Variants in FIRRM observed in about 807,000 individuals in gnomAD.
FIRRM encodes FIGNL1-interacting regulator of recombination and mitosis.
At chr1:169,786,060 A>C in the FIRRM span, among the ~76,000 whole-genome samples, 1 of 152,202 alleles carries the variant, frequency 6.6e-6, no homozygotes, top group African/African-American at 2.4e-5. Flanking sequence ...ATGTTGAACA[A>C]TGTTGGGAGA....
At chr1:169,826,656 C>T in the FIRRM span, among the ~76,000 whole-genome samples, 1 of 152,208 alleles carries the variant, frequency 6.6e-6, no homozygotes, top group East Asian at 1.9e-4. Flanking sequence ...AGCCACCACG[C>T]TCCGCCCAAA....
the FIRRM span, chr1:169,827,985 T>A: frequency 1.3e-6 from 1 of 746,648 alleles, no homozygotes; most frequent in Non-Finnish European, 2.1e-6. Context: ...ACATATATAT[T>A]GCTACTTTAT....
At chr1:169,816,918 C>G in the FIRRM span, among the ~76,000 whole-genome samples, 1 of 152,276 alleles carries the variant, frequency 6.6e-6, no homozygotes, top group Admixed American at 6.5e-5. Context: ...ATGCAAATAA[C>G]TATATTGCTG....
At chr1:169,789,503 C>T in the FIRRM span, among the ~76,000 whole-genome samples, 1 of 152,164 alleles carries the variant, frequency 6.6e-6, no homozygotes, top group African/African-American at 2.4e-5. Flanking sequence ...GTCTGTGGGA[C>T]ATGAAAACTG....
At chr1:169,826,963 C>G in the FIRRM span, 1 of 1,155,836 alleles carries the variant, frequency 8.7e-7, no homozygotes, top group African/African-American at 1.6e-5. Context: ...TATATTTTTA[C>G]TACCAGAACA....
the FIRRM span, chr1:169,852,026 G>C: frequency 6.4e-7 from 1 of 1,560,846 alleles, no homozygotes; most frequent in Non-Finnish European, 8.8e-7. Context: ...GTGGTTTCCA[G>C]CCTTATGCTG....
At chr1:169,825,223 C>T in the FIRRM span, among the ~76,000 whole-genome samples, 6 of 152,178 alleles carry the variant, frequency 3.9e-5, no homozygotes, top group African/African-American at 1.4e-4. Flanking sequence ...CACAAAGTAG[C>T]CAAAGTAAAT....
the FIRRM span, chr1:169,853,021 T>C: frequency 5.1e-5 from 81 of 1,599,958 alleles, 1 homozygote; most frequent in Non-Finnish European, 6.9e-5. Context: ...GTTTGATGCT[T>C]TGTCAACTGA....
the FIRRM span, among the ~76,000 whole-genome samples, chr1:169,833,185 G>GC: frequency 1.3e-5 from 2 of 152,054 alleles, no homozygotes; most frequent in Admixed American, 6.6e-5. Flanking sequence ...AACCTGTATG[G>GC]CCTAGTGCAG....
At chr1:169,822,167 T>A in the FIRRM span, among the ~76,000 whole-genome samples, 2 of 152,206 alleles carry the variant, frequency 1.3e-5, no homozygotes, top group Non-Finnish European at 2.9e-5. Context: ...TCCCACAATG[T>A]GTCTTTGCCA....
At chr1:169,833,505 A>G in the FIRRM span, among the ~76,000 whole-genome samples, 6 of 152,132 alleles carry the variant, frequency 3.9e-5, no homozygotes, top group Non-Finnish European at 7.3e-5. Context: ...AGCAGAAGAT[A>G]TGTATAACTA....
chr1:169,833,846 CTTTTTTTTTTTTT>C, the FIRRM span, among the ~76,000 whole-genome samples: 1 of 96,056 alleles, frequency 1.0e-5, no homozygotes, highest in Non-Finnish European at 1.9e-5. Flanking sequence ...AGTCACTTTC[CTTTTTTTTTTTTT>C]TTTTTTTTTT....
chr1:169,833,807 A>C, the FIRRM span, among the ~76,000 whole-genome samples: 5,568 of 151,110 alleles, frequency 0.037, 172 homozygotes, highest in South Asian at 0.11. Context: ...CTGGGAGGGA[A>C]AGGGTCACAT....
the FIRRM span, chr1:169,853,246 A>C: frequency 2.2e-6 from 1 of 451,530 alleles, no homozygotes; most frequent in Non-Finnish European, 3.9e-6. Flanking sequence ...TAAACAAATA[A>C]ATAAGCTGCC....
At chr1:169,851,046 T>C in the FIRRM span, 1 of 37,476 alleles carries the variant, frequency 2.7e-5, no homozygotes, top group African/African-American at 1.8e-4. Context: ...CTCAGGGCCC[T>C]TTTTTTTTTT....
chr1:169,791,189 G>T, the FIRRM span, among the ~76,000 whole-genome samples: 5 of 152,266 alleles, frequency 3.3e-5, no homozygotes, highest in Non-Finnish European at 7.4e-5. Flanking sequence ...CAGGCATCAG[G>T]GACCCCTGTT....
chr1:169,799,428 T>C, the FIRRM span, among the ~76,000 whole-genome samples: 4 of 152,366 alleles, frequency 2.6e-5, no homozygotes, highest in East Asian at 7.7e-4. Context: ...TTCATTCTTC[T>C]AGTCAGAAGA....
At chr1:169,810,007 A>T in the FIRRM span, among the ~76,000 whole-genome samples, 1 of 152,142 alleles carries the variant, frequency 6.6e-6, no homozygotes, top group Non-Finnish European at 1.5e-5. Context: ...GCACCAGTAG[A>T]TTTGGTGTCT....
chr1:169,804,266 G>GTATA, the FIRRM span: 1 of 1,391,548 alleles, frequency 7.2e-7, no homozygotes, highest in African/African-American at 1.5e-5. Context: ...TTTCTGCTTA[G>GTATA]TATATGGTGA....
Sources: allele counts gnomAD v4.1 joint callset (sites outside exome capture counted in the v4.1 genomes callset), GRCh38; gene constraint gnomAD v4.1.1; transcripts MANE v1.5; gene names NCBI Gene and HGNC (gene_info 2026-07-23, HGNC 2026-07-21).